The following MICU1 variants were observed in gnomAD, a reference collection of about 807,000 sequenced individuals.
The protein encoded by MICU1 is mitochondrial calcium uptake 1.
Under a neutral mutation model 56.8 loss-of-function variants are expected in MICU1, and 45 were observed. The observed-to-expected ratio is 0.79, with a 90% CI of 0.62 to 1.02. MICU1 has a LOEUF of 1.02. Ranked by LOEUF, MICU1 falls within the 50% of genes least tolerant of loss-of-function variation. The probability of loss-of-function intolerance (pLI) is 0.00; values close to 1 mark genes in which losing one functional copy is unlikely to be tolerated. For missense variants in MICU1, 504 were observed against 587.1 expected (o/e 0.86, Z 1.46); for synonymous variants, 186 against 195.1 (o/e 0.95, Z 0.39).
Position 72,509,383 on chromosome 10 carries a change from T to C in MICU1, c.538-1114A>G. 1 of 1,336,082 alleles carries C rather than the reference T, an allele frequency of 7.5e-7. No individual in the cohort carries two copies. Among genetic ancestry groups the C allele is most frequent in the Middle Eastern group, 2.1e-4 (1 of 4,744 alleles). 82.8% of individuals were successfully genotyped at this position (1,336,082 alleles called of 1,614,324 possible). A position where few individuals can be genotyped will look rare whatever the true frequency, so the allele number is the denominator to read the frequency against. ...TCACACCAGCATCCAGTTACACAAC[T>C]ATCCAATGGGTTACCTCTGTCTAGT... On this transcript the variant is annotated intron_variant, in intron 5 of 11. Coordinates refer to ENST00000361114, the MANE Select transcript of MICU1 (RefSeq NM_001195518.2).
intron 8 of MICU1, among the ~76,000 whole-genome samples, chr10:72,427,733 A>AATATATATATATAT (rs58696519): frequency 8.1e-5 from 11 of 136,344 alleles, no homozygotes; most frequent in East Asian, 3.2e-4. Flanking sequence ...CCATCTCTAA[A>AATATATATATATAT]ATATATATAT....
intron 8 of MICU1, among the ~76,000 whole-genome samples, chr10:72,436,011 G>A (rs746776074): frequency 3.9e-5 from 6 of 152,214 alleles, no homozygotes; most frequent in African/African-American, 1.2e-4. Context: ...AAACGTCCCC[G>A]TCTGACAGCT....
At chr10:72,596,106 C>G (rs1032563347) in intron 1 of MICU1, among the ~76,000 whole-genome samples, 1 of 152,038 alleles carries the variant, frequency 6.6e-6, no homozygotes. Flanking sequence ...CCGCCTCAGC[C>G]TCCCCAGTAG....
intron 4 of MICU1, among the ~76,000 whole-genome samples, chr10:72,544,438 T>C (rs1288216595): frequency 6.6e-6 from 1 of 152,184 alleles, no homozygotes; most frequent in Non-Finnish European, 1.5e-5. Flanking sequence ...TTCCCTCTTT[T>C]ACACCCTTTT....
Position 72,582,171 on chromosome 10 carries a change from C to T in MICU1, c.-1-15377G>A, listed in dbSNP as rs1434511309. On this transcript the variant is annotated intron_variant, in intron 1 of 11. Coordinates refer to ENST00000361114, the MANE Select transcript of MICU1 (RefSeq NM_001195518.2). ...CTTGAACTACTGACGTCAGATGACC[C>T]GCCTGCCTCAGCCTCCCAAAGTGCT... Among the ~76,000 whole-genome samples the T allele has an allele frequency of 2.6e-5, 4 of 152,130 alleles. No individual in the cohort carries two copies. In the East Asian group the frequency reaches 5.8e-4, roughly 22 times the overall value.
At chr10:72,517,672 A>G (rs113029243) in intron 5 of MICU1, among the ~76,000 whole-genome samples, 4,185 of 152,166 alleles carry the variant, frequency 0.028, 182 homozygotes, top group African/African-American at 0.095. Context: ...AATTGGGTTC[A>G]GTGTACACTG....
chr10:72,438,480 T>C (rs1396417126), intron 8 of MICU1, among the ~76,000 whole-genome samples: 1 of 151,870 alleles, frequency 6.6e-6, no homozygotes, highest in Non-Finnish European at 1.5e-5. Flanking sequence ...AACATCACAA[T>C]TAAAAGAACT....
rs757400723 is a variant in MICU1 at position 72,475,304 on chromosome 10, C to T, written c.736-7G>A. The T allele has an allele frequency of 6.3e-7, 1 of 1,582,446 alleles. No individual in the cohort carries two copies. Among genetic ancestry groups the T allele is most frequent in the Non-Finnish European group, 8.6e-7 (1 of 1,162,722 alleles). On this transcript the variant is annotated splice_polypyrimidine_tract_variant and splice_region_variant and intron_variant, in intron 7 of 11. Coordinates refer to ENST00000361114, the MANE Select transcript of MICU1 (RefSeq NM_001195518.2). ...AGCGAATGATGCTCTGAACCTAATA[C>T]AGAATCAAACCCACATCCAGAAAAA...
chr10:72,485,684 C>T (rs559117730), intron 6 of MICU1, among the ~76,000 whole-genome samples: 3 of 151,126 alleles, frequency 2.0e-5, no homozygotes, highest in Non-Finnish European at 2.9e-5. Flanking sequence ...TAATAAAGTA[C>T]GGAAAATACT....
chr10:72,590,576 C>T (rs370993627), intron 1 of MICU1, among the ~76,000 whole-genome samples: 3 of 151,936 alleles, frequency 2.0e-5, no homozygotes, highest in Admixed American at 6.6e-5. Context: ...TTTGGGAGGC[C>T]GAGGTGGGCG....
chr10:72,482,748 T>G (rs1190778441), intron 6 of MICU1, among the ~76,000 whole-genome samples: 4 of 151,778 alleles, frequency 2.6e-5, no homozygotes, highest in Non-Finnish European at 4.4e-5. Context: ...TCTTAGAACT[T>G]GCTTCCAAAA....
rs115410139 is a variant in MICU1 at position 72,490,425 on chromosome 10, G to A, written c.653-13169C>T. On this transcript the variant is annotated intron_variant, in intron 6 of 11. Coordinates refer to ENST00000361114, the MANE Select transcript of MICU1 (RefSeq NM_001195518.2). ...AGAGATAAATACAGATGTATCTTTG[G>A]TACCTCAGCAAAAAGTTCGCACTGT... is the stretch of plus-strand genomic sequence containing the variant. Among the ~76,000 whole-genome samples, 1,401 of 152,208 alleles carry A rather than the reference G, an allele frequency of 9.2e-3. 27 individuals carry two copies. The highest frequency in any genetic ancestry group is 0.031 in the African/African-American group (1,301 of 41,518).
intron 8 of MICU1, among the ~76,000 whole-genome samples, chr10:72,472,350 C>A (rs777828071): frequency 2.6e-5 from 4 of 152,278 alleles, no homozygotes; most frequent in Middle Eastern, 3.4e-3. Flanking sequence ...CAGATAATGT[C>A]TTTTGCTTCT....
chr10:72,607,446 C>T (rs1262585580), intron 1 of MICU1, among the ~76,000 whole-genome samples: 1 of 151,640 alleles, frequency 6.6e-6, no homozygotes, highest in Middle Eastern at 3.2e-3. Flanking sequence ...CGAGACCTTC[C>T]TGGCCAACAT....
intron 1 of MICU1, among the ~76,000 whole-genome samples, chr10:72,603,107 C>T (rs936498977): frequency 1.3e-5 from 2 of 152,054 alleles, no homozygotes; most frequent in Non-Finnish European, 2.9e-5. Context: ...CTGTTCCCGG[C>T]TGGGAACAGT....
chr10:72,532,389 C>A (rs567407945), intron 5 of MICU1, among the ~76,000 whole-genome samples: 5 of 152,044 alleles, frequency 3.3e-5, no homozygotes, highest in Non-Finnish European at 7.4e-5. Flanking sequence ...CAGACCTCCA[C>A]CAAGGAATAT....
At chr10:72,584,798 T>C (rs761604768) in intron 1 of MICU1, among the ~76,000 whole-genome samples, 6 of 152,104 alleles carry the variant, frequency 3.9e-5, no homozygotes, top group Non-Finnish European at 7.4e-5. Flanking sequence ...TACCTCAGCC[T>C]CCCAAAGTGC....
intron 3 of MICU1, among the ~76,000 whole-genome samples, chr10:72,555,686 G>A (rs1014157996): frequency 1.3e-5 from 2 of 152,148 alleles, no homozygotes; most frequent in African/African-American, 4.8e-5. Context: ...TTCCTGCAAA[G>A]GATTACCTAT....
Position 72,615,099 on chromosome 10 carries a change from G to GTGTTTGTT in MICU1, c.-2+10903_-2+10910dup, listed in dbSNP as rs72461335. On this transcript the variant is annotated intron_variant, in intron 1 of 11. Coordinates refer to ENST00000361114, the MANE Select transcript of MICU1 (RefSeq NM_001195518.2). ...GATTGCTTCCTTGTGGTGTGGTTTT[G>GTGTTTGTT]TGTTTGTTTGTTTGTTTGTTTGTTT... Among the ~76,000 whole-genome samples, 6 of 150,762 alleles carry GTGTTTGTT rather than the reference G, an allele frequency of 4.0e-5. No individual in the cohort carries two copies. The East Asian group carries it at 1.2e-3, about 29-fold the overall frequency.
Sources: allele counts gnomAD v4.1 joint callset (sites outside exome capture counted in the v4.1 genomes callset), GRCh38; gene constraint gnomAD v4.1.1; transcripts MANE v1.5; gene names NCBI Gene and HGNC (gene_info 2026-07-23, HGNC 2026-07-21).